The following ANTXR2 variants were observed in gnomAD, a reference collection of about 807,000 sequenced individuals.
ANTXR2 encodes the protein ANTXR cell adhesion molecule 2.
ANTXR2 carries 44 observed loss-of-function variants against 73.7 expected under a neutral mutation model. That is an observed-to-expected ratio of 0.60 (90% CI 0.47 to 0.77). The LOEUF (loss-of-function observed/expected upper bound fraction) is 0.77, where lower values mean the gene tolerates loss of function less well. Ranked by LOEUF, ANTXR2 falls within the 30% of genes least tolerant of loss-of-function variation. The pLI, the probability that ANTXR2 is intolerant of heterozygous loss-of-function variation, is 0.00. For missense variants in ANTXR2, 604 were observed against 592.5 expected (o/e 1.02, Z -0.20); for synonymous variants, 217 against 205.9 (o/e 1.05, Z -0.46).
intron 12 of ANTXR2, among the ~76,000 whole-genome samples, chr4:80,005,853 T>C (rs1476513159): frequency 1.3e-5 from 2 of 152,126 alleles, no homozygotes; most frequent in Non-Finnish European, 2.9e-5. Context: ...TGATCGAATC[T>C]CTCCAGTGGC....
chr4:79,988,434 T>C (rs1730303143), intron 12 of ANTXR2, among the ~76,000 whole-genome samples: 1 of 151,574 alleles, frequency 6.6e-6, no homozygotes, highest in Admixed American at 6.6e-5. Context: ...AAGTTTCCAT[T>C]CAACAAGAAG....
intron 16 of ANTXR2, among the ~76,000 whole-genome samples, chr4:79,959,403 CCT>C (rs1366054044): frequency 5.9e-5 from 9 of 152,038 alleles, no homozygotes; most frequent in Non-Finnish European, 1.2e-4. Flanking sequence ...TCAAATGATA[CCT>C]CTCTTATGAA....
chr4:80,032,294 C>T (rs4337684), intron 9 of ANTXR2, among the ~76,000 whole-genome samples: 151,957 of 151,958 alleles, frequency 1, 75,978 homozygotes, highest in Non-Finnish European at 1. Flanking sequence ...TTTAATAAAC[C>T]TAATCTTATG....
At chr4:79,924,198 T>A (rs1462505676) in intron 16 of ANTXR2, among the ~76,000 whole-genome samples, 1 of 152,182 alleles carries the variant, frequency 6.6e-6, no homozygotes, top group African/African-American at 2.4e-5. Flanking sequence ...TTTATGTCCA[T>A]GCCCAAATAC....
chr4:79,966,264 G>C (rs529298439), intron 16 of ANTXR2, among the ~76,000 whole-genome samples: 1 of 152,182 alleles, frequency 6.6e-6, no homozygotes, highest in South Asian at 2.1e-4. Context: ...CTTGGGCATC[G>C]TAGTCCCCTA....
At chr4:79,909,590 A>T (rs994194846) in intron 16 of ANTXR2, among the ~76,000 whole-genome samples, 1 of 152,066 alleles carries the variant, frequency 6.6e-6, no homozygotes. Context: ...AACTCTTCCA[A>T]AGCTTGGTAT....
chr4:80,027,287 T>G (rs1397370685), intron 10 of ANTXR2, among the ~76,000 whole-genome samples: 1 of 152,020 alleles, frequency 6.6e-6, no homozygotes, highest in East Asian at 1.9e-4. Context: ...AAAGGCAGAA[T>G]TTATCTAATC....
At chr4:80,023,578 G>A (rs999088478) in intron 10 of ANTXR2, among the ~76,000 whole-genome samples, 16 of 152,182 alleles carry the variant, frequency 1.1e-4, no homozygotes, top group African/African-American at 3.6e-4. Context: ...GGTTCTAGAG[G>A]GCTGTGTGGG....
chr4:79,930,058 T>A (rs1487750741), intron 16 of ANTXR2, among the ~76,000 whole-genome samples: 1 of 152,160 alleles, frequency 6.6e-6, no homozygotes, highest in Non-Finnish European at 1.5e-5. Flanking sequence ...GGACCAAGAT[T>A]TGCACACAGA....
intron 10 of ANTXR2, among the ~76,000 whole-genome samples, chr4:80,028,471 C>A (rs904616364): frequency 3.3e-5 from 5 of 152,178 alleles, no homozygotes; most frequent in African/African-American, 1.2e-4. Flanking sequence ...AAGAAAAGAA[C>A]GGATAGAGCA....
chr4:80,030,675 T>A (rs1732650277), intron 10 of ANTXR2, among the ~76,000 whole-genome samples: 1 of 152,148 alleles, frequency 6.6e-6, no homozygotes, highest in Non-Finnish European at 1.5e-5. Flanking sequence ...CTTGAATATT[T>A]AAGTATCCAC....
chr4:79,961,575 C>T (rs1729143827), intron 16 of ANTXR2, among the ~76,000 whole-genome samples: 1 of 152,070 alleles, frequency 6.6e-6, no homozygotes, highest in Non-Finnish European at 1.5e-5. Context: ...GCTGGTACTA[C>T]AGGCATGTTC....
intron 11 of ANTXR2, among the ~76,000 whole-genome samples, chr4:80,014,569 A>T (rs939649183): frequency 2.0e-5 from 3 of 151,640 alleles, no homozygotes; most frequent in Admixed American, 6.6e-5. Context: ...AGTCTCAAAA[A>T]ATATATATAT....
In ANTXR2 at chr4:79,944,948, C is replaced by T. The variant is rs141615000; in HGVS notation, c.1428+32673G>A. Among the ~76,000 whole-genome samples the T allele has an allele frequency of 4.6e-3, 703 of 152,128 alleles. 10 individuals are homozygous for T. The highest frequency in any genetic ancestry group is 0.016 in the African/African-American group (667 of 41,534). ...ACTTCAATTTTCTACTCTAAGTTTT[C>T]TAAAATCAAGCATAAATGCATTTGA... is the stretch of plus-strand genomic sequence containing the variant. On this transcript the variant is annotated intron_variant, in intron 16 of 16. Coordinates refer to ENST00000403729, the MANE Select transcript of ANTXR2 (RefSeq NM_058172.6).
intron 16 of ANTXR2, among the ~76,000 whole-genome samples, chr4:79,927,649 G>GAACC (rs1161098150): frequency 3.9e-5 from 6 of 152,024 alleles, no homozygotes; most frequent in Admixed American, 6.6e-5. Context: ...TGAGAATGTG[G>GAACC]AACCCACAGA....
chr4:80,022,650 A>T (rs1732224217), intron 10 of ANTXR2, among the ~76,000 whole-genome samples: 1 of 152,206 alleles, frequency 6.6e-6, no homozygotes, highest in Admixed American at 6.5e-5. Flanking sequence ...TCTAGTTAGT[A>T]TGTTTCTGAC....
At chr4:79,917,439 A>G (rs1221195114) in intron 16 of ANTXR2, among the ~76,000 whole-genome samples, 1 of 152,158 alleles carries the variant, frequency 6.6e-6, no homozygotes, top group East Asian at 1.9e-4. Flanking sequence ...TCAGATTGCA[A>G]GTCATTGGCC....
intron 16 of ANTXR2, among the ~76,000 whole-genome samples, chr4:79,946,446 G>A (rs1728516755): frequency 6.6e-6 from 1 of 152,170 alleles, no homozygotes; most frequent in Non-Finnish European, 1.5e-5. Context: ...GTAAGCTCTG[G>A]AGCTGGAATG....
intron 16 of ANTXR2, among the ~76,000 whole-genome samples, chr4:79,947,269 AG>A (rs1024237670): frequency 2.5e-4 from 38 of 152,312 alleles, no homozygotes; most frequent in Admixed American, 2.5e-3. Context: ...GAAAGAAAAA[AG>A]TAATTATTCT....
Sources: gnomAD v4.1 joint callset for allele counts (sites outside exome capture counted in the v4.1 genomes callset) on GRCh38, gnomAD v4.1.1 for gene constraint, MANE v1.5 for transcripts, NCBI Gene and HGNC (gene_info 2026-07-23, HGNC 2026-07-21) for gene names.